The following KCNA2 variants were observed in gnomAD, a reference collection of about 807,000 sequenced individuals.
KCNA2 encodes potassium channel, voltage gated shaker related subfamily A, member 2.
A neutral mutation model predicts 33.4 loss-of-function variants in KCNA2; 11 were observed. That is an observed-to-expected ratio of 0.33 (90% CI 0.21 to 0.55). The LOEUF (loss-of-function observed/expected upper bound fraction) is 0.55, where lower values mean the gene tolerates loss of function less well. Among genes scored for constraint, KCNA2 ranks in the 20% least tolerant of loss-of-function variants. KCNA2 has a pLI of 0.93. For synonymous variants in KCNA2, 222 were observed against 231.3 expected (o/e 0.96, Z 0.37); for missense variants, 291 against 621.6 (o/e 0.47, Z 5.66).
At position 110,602,751 on chromosome 1, in the gene KCNA2, T is replaced by C; in HGVS notation, c.*532A>G. On this transcript the variant is annotated 3_prime_UTR_variant, in exon 3 of 3. Coordinates refer to ENST00000316361, the MANE Select transcript of KCNA2 (RefSeq NM_004974.4). ...AGAGCATCTACTTGGCAACTGCAATTCACAAACTCCAGCCTGTGACACAGA... is the reference window on the plus strand; with the variant it reads ...AGAGCATCTACTTGGCAACTGCAATCCACAAACTCCAGCCTGTGACACAGA... The C allele has an allele frequency of 3.0e-6, 3 of 991,952 alleles. No homozygotes were observed. Among genetic ancestry groups the C allele is most frequent in the Non-Finnish European group, 3.6e-6 (3 of 834,336 alleles). 61.4% of individuals were successfully genotyped at this position (991,952 alleles called of 1,614,324 possible).
In KCNA2 at chr1:110,601,239, GGACTC is replaced by G. The variant is rs544457703; in HGVS notation, c.*2039_*2043del. The G allele has an allele frequency of 3.1e-3, 3,071 of 985,338 alleles. 6 individuals are homozygous for G. Among genetic ancestry groups the G allele is most frequent in the Middle Eastern group, 4.7e-3 (9 of 1,914 alleles). 61.0% of individuals were successfully genotyped at this position (985,338 alleles called of 1,614,324 possible). A position where few individuals can be genotyped will look rare whatever the true frequency, so the allele number is the denominator to read the frequency against. On this transcript the variant is annotated 3_prime_UTR_variant, in exon 3 of 3. Coordinates refer to ENST00000316361, the MANE Select transcript of KCNA2 (RefSeq NM_004974.4). ...AAAATGATGCCTTTGGATCATCTAG[GGACTC>G]CATCACTTAGTCCCGGACTTCAGAC...
chr1:110,611,946 C>T (rs959023816), intron 1 of KCNA2, among the ~76,000 whole-genome samples: 3 of 152,116 alleles, frequency 2.0e-5, no homozygotes, highest in Admixed American at 1.3e-4. Context: ...CAGCTGAGCC[C>T]CAGCGCGGTG....
At position 110,598,930 on chromosome 1, in the gene KCNA2, C is replaced by T. The variant is rs577379031; in HGVS notation, c.*4353G>A. 37 of 985,402 alleles carry T rather than the reference C, an allele frequency of 3.8e-5. No individual in the cohort carries two copies. Among genetic ancestry groups the T allele is most frequent in the East Asian group, 3.4e-4 (3 of 8,814 alleles). 61.0% of individuals were successfully genotyped at this position (985,402 alleles called of 1,614,324 possible). ...CACCTTTCCTGGGCCTATTCCTTTT[C>T]GGTCTCCTGAAAACTCCAAGTTTCT... On this transcript the variant is annotated 3_prime_UTR_variant, in exon 3 of 3. Coordinates refer to ENST00000316361, the MANE Select transcript of KCNA2 (RefSeq NM_004974.4).
At position 110,603,801 on chromosome 1, in the gene KCNA2, A is replaced by G. The variant is rs922583911; in HGVS notation, c.982T>C (p.Leu328=). The G allele has an allele frequency of 1.9e-6, 3 of 1,614,130 alleles. No individual in the cohort carries two copies. The highest frequency in any genetic ancestry group is 2.2e-5 in the East Asian group (1 of 44,884). Residue 328 remains leucine, a synonymous_variant, in exon 3 of 3, where the codon TTG becomes CTG. Coordinates refer to ENST00000316361, the MANE Select transcript of KCNA2 (RefSeq NM_004974.4). The surrounding 1 kb of genome is among the most constrained non-coding windows in gnomAD (Gnocchi z 5.7). ...GQTLKASMRE[L]GLLIFFLFIG... ...AAGAGAAAGAATATCAGGAGGCCCA[A>G]TTCTCTCATGCTGGCTTTGAGGGTC...
chr1:110,617,743 G>A (rs1269016475), intron 1 of KCNA2, among the ~76,000 whole-genome samples: 2 of 152,194 alleles, frequency 1.3e-5, no homozygotes, highest in African/African-American at 2.4e-5. Context: ...AGAGAGTGTG[G>A]AGGGGCCGCC....
Position 110,595,877 on chromosome 1 carries a change from C to T in KCNA2, c.*7406G>A, listed in dbSNP as rs1649075977. 3 of 985,318 alleles carry T rather than the reference C, an allele frequency of 3.0e-6. No individual in the cohort carries two copies. The South Asian group carries it at 1.4e-4, about 46-fold the overall frequency. 61.0% of individuals were successfully genotyped at this position (985,318 alleles called of 1,614,324 possible). On this transcript the variant is annotated 3_prime_UTR_variant, in exon 3 of 3. Coordinates refer to ENST00000316361, the MANE Select transcript of KCNA2 (RefSeq NM_004974.4). ...TCTCACAAACCTCAAACCTAGGGCA[C>T]CACCAATGACAAAGAGAATGCTAAA...
rs1422501994 is a variant in KCNA2 at position 110,601,660 on chromosome 1, T to C, written c.*1623A>G. The C allele has an allele frequency of 9.5e-7, 1 of 1,051,532 alleles. No individual in the cohort carries two copies. The highest frequency in any genetic ancestry group is 1.7e-5 in the African/African-American group (1 of 59,760). 65.1% of individuals were successfully genotyped at this position (1,051,532 alleles called of 1,614,324 possible). On this transcript the variant is annotated 3_prime_UTR_variant, in exon 3 of 3. Transcript: ENST00000316361. Reference sequence around the variant, plus strand: ...ATGGATACCGGAGTGTCTGAGGCAATGGCAGCAAACCCAGGCCCAGTGGGG... The same window carrying C: ...ATGGATACCGGAGTGTCTGAGGCAACGGCAGCAAACCCAGGCCCAGTGGGG...
intron 1 of KCNA2, among the ~76,000 whole-genome samples, chr1:110,617,371 T>C (rs954980762): frequency 6.6e-6 from 1 of 151,952 alleles, no homozygotes; most frequent in African/African-American, 2.4e-5. Context: ...CATGGTAAAA[T>C]GAGAGGTCGA....
upstream of KCNA2, among the ~76,000 whole-genome samples, chr1:110,608,503 A>T (rs1649757709): frequency 6.6e-6 from 1 of 152,054 alleles, no homozygotes; most frequent in South Asian, 2.1e-4. Flanking sequence ...TCGTGGGGAG[A>T]GCCCTGAAAG....
At position 110,593,955 on chromosome 1, in the gene KCNA2, G is replaced by A; in HGVS notation, c.*9328C>T. 1 of 1,549,450 alleles carries A rather than the reference G, an allele frequency of 6.5e-7. No individual in the cohort carries two copies. The highest frequency in any genetic ancestry group is 1.7e-4 in the Middle Eastern group (1 of 5,990). On this transcript the variant is annotated 3_prime_UTR_variant, in exon 3 of 3. Transcript: ENST00000316361. ...TAAATTTTCAAGAAGCAAACAAATA[G>A]TTAAATGACTCCCAACTCCCATGAG...
chr1:110,629,301 T>TC (rs1432414060), intron 1 of KCNA2, among the ~76,000 whole-genome samples: 1 of 152,120 alleles, frequency 6.6e-6, no homozygotes, highest in Non-Finnish European at 1.5e-5. Flanking sequence ...TTCCAGACAA[T>TC]CCCCAATGGA....
intron 1 of KCNA2, among the ~76,000 whole-genome samples, chr1:110,621,548 G>A (rs945959164): frequency 3.9e-5 from 6 of 152,058 alleles, no homozygotes; most frequent in African/African-American, 1.4e-4. Flanking sequence ...TAAAATCAAT[G>A]AAATCAAAAC....
At chr1:110,620,051 AGC>A (rs1328914829) in intron 1 of KCNA2, among the ~76,000 whole-genome samples, 29 of 99,074 alleles carry the variant, frequency 2.9e-4, no homozygotes, top group African/African-American at 8.0e-4. Context: ...AGAGAGCGAG[AGC>A]GAGAGAGAGA....
chr1:110,628,674 G>A (rs1197693375), intron 1 of KCNA2, among the ~76,000 whole-genome samples: 1 of 152,122 alleles, frequency 6.6e-6, no homozygotes, highest in Admixed American at 6.5e-5. Flanking sequence ...GTAGAGGACT[G>A]GACAAGAGGT....
rs1649410398 is a variant in KCNA2, at chr1:110,602,670, G to A, written c.*613C>T. 1.0e-6 allele frequency: 1 copy of A among 994,330 alleles called. No homozygotes were observed. Among genetic ancestry groups the A allele is most frequent in the Non-Finnish European group, 1.2e-6 (1 of 835,722 alleles). 61.6% of individuals were successfully genotyped at this position (994,330 alleles called of 1,614,324 possible). ...CCCTCCCCCGGGCTTCCCTCACATCGACACTGCAGAGAAAAAGCAGAATGC... is the reference window on the plus strand; with the variant it reads ...CCCTCCCCCGGGCTTCCCTCACATCAACACTGCAGAGAAAAAGCAGAATGC... On this transcript the variant is annotated 3_prime_UTR_variant, in exon 3 of 3. Coordinates refer to ENST00000316361, the MANE Select transcript of KCNA2 (RefSeq NM_004974.4).
At position 110,595,190 on chromosome 1, in the gene KCNA2, T is replaced by G. The variant is rs1423424778; in HGVS notation, c.*8093A>C. 1 of 985,286 alleles carries G rather than the reference T, an allele frequency of 1.0e-6. No homozygotes were observed. Among genetic ancestry groups the G allele is most frequent in the Non-Finnish European group, 1.2e-6 (1 of 829,924 alleles). 61.0% of individuals were successfully genotyped at this position (985,286 alleles called of 1,614,324 possible). On this transcript the variant is annotated 3_prime_UTR_variant, in exon 3 of 3. Transcript: ENST00000316361. ...GATGTTGCAGTAGCTGTCCACATTA[T>G]TACATAATCATGCCCTGTGCATCCA...
In KCNA2 at chr1:110,599,262, A is replaced by T. The variant is rs1649234794; in HGVS notation, c.*4021T>A. 9 of 984,776 alleles carry T rather than the reference A, an allele frequency of 9.1e-6. No individual in the cohort carries two copies. In the South Asian group the frequency reaches 3.3e-4, roughly 36 times the overall value. The allele number at this position is 984,776 out of a possible 1,614,324, so 61.0% of individuals were successfully genotyped here. On this transcript the variant is annotated 3_prime_UTR_variant, in exon 3 of 3. Coordinates refer to ENST00000316361, the MANE Select transcript of KCNA2 (RefSeq NM_004974.4). ...CTCTCAGCTAGTCCTACTTAGGGGA[A>T]GAACCAGCTCCAAGAGTAATCCAAA...
upstream of KCNA2, among the ~76,000 whole-genome samples, chr1:110,608,515 C>T (rs1649757900): frequency 6.6e-6 from 1 of 152,176 alleles, no homozygotes; most frequent in Non-Finnish European, 1.5e-5. Flanking sequence ...CCCTGAAAGC[C>T]CATGAAGCGG....
chr1:110,624,291 G>A (rs1650336612), intron 1 of KCNA2, among the ~76,000 whole-genome samples: 1 of 152,186 alleles, frequency 6.6e-6, no homozygotes, highest in Non-Finnish European at 1.5e-5. Context: ...TCCATACAAT[G>A]GAATGCTATT....
Sources: gnomAD v4.1 joint callset for allele counts (sites outside exome capture counted in the v4.1 genomes callset) on GRCh38, gnomAD v4.1.1 for gene constraint, Gnocchi (gnomAD v3.1) non-coding constraint, MANE v1.5 for transcripts, NCBI Gene and HGNC (gene_info 2026-07-23, HGNC 2026-07-21) for gene names.